The following UBXN2B variants were observed in gnomAD, a reference collection of about 807,000 sequenced individuals.
The protein encoded by UBXN2B is UBX domain-containing protein 2B.
Under a neutral mutation model 37.5 loss-of-function variants are expected in UBXN2B, and 19 were observed. The observed-to-expected ratio is 0.51, with a 90% CI of 0.35 to 0.74. The LOEUF is 0.74. Among genes scored for constraint, UBXN2B ranks in the 30% least tolerant of loss-of-function variants. The probability of loss-of-function intolerance (pLI) is 0.01; values close to 1 mark genes in which losing one functional copy is unlikely to be tolerated. For missense variants in UBXN2B, 370 were observed against 393.2 expected, an observed-to-expected ratio of 0.94 and a Z score of 0.50; for synonymous variants, 145 against 143.8, an observed-to-expected ratio of 1.01 and a Z score of -0.06.
intron 2 of UBXN2B, chr8:58,426,715 A>AC: frequency 1.5e-6 from 1 of 684,342 alleles, no homozygotes; most frequent in South Asian, 1.4e-5. Context: ...TCCGTGACAG[A>AC]CCCGTTCCTT....
Position 58,450,163 on chromosome 8 carries a change from A to AGTTTTAGTGGCTT in UBXN2B, c.*2613_*2625dup, listed in dbSNP as rs1272564129. 1 of 152,196 alleles carries AGTTTTAGTGGCTT rather than the reference A, an allele frequency of 6.6e-6. No individual in the cohort carries two copies. The highest frequency in any genetic ancestry group is 1.5e-5 in the Non-Finnish European group (1 of 68,022). The allele number at this position is 152,196 out of a possible 1,614,324, so 9.4% of individuals were successfully genotyped here. A position where few individuals can be genotyped will look rare whatever the true frequency, so the allele number is the denominator to read the frequency against. ...AAAGGCTGTCCTGACGGTGAATCTT[A>AGTTTTAGTGGCTT]GTTTTAGTGGCTTTTGCCATTTGAA... On this transcript the variant is annotated 3_prime_UTR_variant, in exon 8 of 8. Coordinates refer to ENST00000399598, the MANE Select transcript of UBXN2B (RefSeq NM_001077619.2).
chr8:58,441,349 A>ATATATATATATATATATATATGTATGTG (rs1563467214), intron 6 of UBXN2B, among the ~76,000 whole-genome samples: 1 of 25,068 alleles, frequency 4.0e-5, no homozygotes, highest in African/African-American at 2.9e-4. Flanking sequence ...TGTGATCAAC[A>ATATATATATATATATATATATGTATGTG]TATATATATA....
chr8:58,422,411 C>A (rs1471441112), intron 2 of UBXN2B, among the ~76,000 whole-genome samples: 13 of 152,210 alleles, frequency 8.5e-5, no homozygotes, highest in Admixed American at 7.9e-4. Context: ...ACAATAACTT[C>A]ACAGCAAAGA....
intron 1 of UBXN2B, among the ~76,000 whole-genome samples, chr8:58,415,828 G>A (rs545873879): frequency 6.6e-6 from 1 of 152,004 alleles, no homozygotes; most frequent in South Asian, 2.1e-4. Flanking sequence ...AAATATGAAT[G>A]TTACTGAATG....
intron 2 of UBXN2B, among the ~76,000 whole-genome samples, chr8:58,418,855 A>G (rs1377858617): frequency 1.3e-5 from 2 of 152,208 alleles, no homozygotes; most frequent in East Asian, 1.9e-4. Flanking sequence ...CTTAATATGT[A>G]TCTCTGTACT....
intron 1 of UBXN2B, among the ~76,000 whole-genome samples, chr8:58,414,234 G>C (rs1441412661): frequency 6.6e-6 from 1 of 152,174 alleles, no homozygotes; most frequent in African/African-American, 2.4e-5. Flanking sequence ...GACCTGGAAG[G>C]CTTGTCAGAG....
intron 2 of UBXN2B, among the ~76,000 whole-genome samples, chr8:58,427,792 G>T (rs1808142490): frequency 6.6e-6 from 1 of 152,210 alleles, no homozygotes; most frequent in Admixed American, 6.5e-5. Flanking sequence ...AGAGTCATCT[G>T]TATAGGAAGA....
intron 6 of UBXN2B, among the ~76,000 whole-genome samples, chr8:58,441,783 C>T (rs1385951058): frequency 6.6e-6 from 1 of 152,104 alleles, no homozygotes; most frequent in East Asian, 1.9e-4. Flanking sequence ...AAGAAAGTGA[C>T]AGAGATCAGT....
intron 2 of UBXN2B, chr8:58,424,883 C>T: frequency 9.3e-7 from 1 of 1,074,670 alleles, no homozygotes; most frequent in South Asian, 1.2e-5. Context: ...TGAGACTGCA[C>T]CATCTGGATA....
At chr8:58,421,203 A>G (rs1807915282) in intron 2 of UBXN2B, among the ~76,000 whole-genome samples, 1 of 152,182 alleles carries the variant, frequency 6.6e-6, no homozygotes, top group Admixed American at 6.5e-5. Flanking sequence ...GGGCTCTTTA[A>G]AGAATGCACA....
chr8:58,431,174 A>AATCT (rs746543587), intron 3 of UBXN2B, among the ~76,000 whole-genome samples: 1 of 152,086 alleles, frequency 6.6e-6, no homozygotes, highest in Non-Finnish European at 1.5e-5. Flanking sequence ...TCATCTCTAT[A>AATCT]ATTTTATCAT....
At chr8:58,447,347 T>C in intron 7 of UBXN2B, 42 bp from the exon 8 acceptor site, 1 of 1,490,778 alleles carries the variant, frequency 6.7e-7, no homozygotes, top group Non-Finnish European at 9.0e-7. Context: ...CATGAAAATA[T>C]GATTTTTTAT....
intron 5 of UBXN2B, among the ~76,000 whole-genome samples, chr8:58,438,488 G>A (rs1291354766): frequency 2.0e-5 from 3 of 152,218 alleles, no homozygotes; most frequent in South Asian, 2.1e-4. Flanking sequence ...TATATGGGAC[G>A]TGGCATCAAG....
intron 3 of UBXN2B, among the ~76,000 whole-genome samples, chr8:58,430,953 G>T (rs1184169234): frequency 6.6e-6 from 1 of 152,088 alleles, no homozygotes; most frequent in African/African-American, 2.4e-5. Context: ...TCACTTCAAT[G>T]GTTTCCCCCA....
At chr8:58,423,438 G>T (rs1165769687) in intron 2 of UBXN2B, among the ~76,000 whole-genome samples, 3 of 147,826 alleles carry the variant, frequency 2.0e-5, no homozygotes, top group East Asian at 2.0e-4. Flanking sequence ...TTTTTTTGTT[G>T]TTGTTTTTTT....
Position 58,447,392 on chromosome 8 carries a change from C to A in UBXN2B, c.837C>A (p.Ile279=), listed in dbSNP as rs753725039. 1.9e-6 allele frequency: 3 copies of A among 1,586,468 alleles called. No homozygotes were observed. Among genetic ancestry groups the A allele is most frequent in the Non-Finnish European group, 8.6e-7 (1 of 1,166,000 alleles). ...LIQRFNSTHR[I]LDVRNFIVQS... Reference sequence around the variant, plus strand: ...TATTTTTGTCTTATTTCTTCAGGATCCTGGATGTCCGGAACTTTATTGTAC... The same window carrying A: ...TATTTTTGTCTTATTTCTTCAGGATACTGGATGTCCGGAACTTTATTGTAC... The change falls in exon 8 of 8, where the codon ATC becomes ATA. Residue 279 remains isoleucine (I), a synonymous_variant. Transcript: ENST00000399598.
At position 58,441,183 on chromosome 8, in the gene UBXN2B, C is replaced by T. The variant is rs191831981; in HGVS notation, c.671+1413C>T. ...TTCATTTTTAGGTTTTGTAGAGACA[C>T]GTGTCTTACTATGTTGCCCAGGCTG... On this transcript the variant is annotated intron_variant, in intron 6 of 7. Transcript: ENST00000399598. Among the ~76,000 whole-genome samples, 23 of 151,386 alleles carry T rather than the reference C, an allele frequency of 1.5e-4. No homozygotes were observed. In the South Asian group the frequency reaches 4.2e-3, roughly 28 times the overall value.
intron 2 of UBXN2B, among the ~76,000 whole-genome samples, chr8:58,418,241 CAAAAAAA>C (rs56073006): frequency 2.0e-3 from 219 of 109,128 alleles, no homozygotes; most frequent in African/African-American, 7.3e-3. Context: ...ACTCTGTCTC[CAAAAAAA>C]AAAAAAAAAA....
intron 5 of UBXN2B, among the ~76,000 whole-genome samples, chr8:58,437,954 C>CA (rs1396269281): frequency 6.6e-6 from 1 of 151,254 alleles, no homozygotes; most frequent in Non-Finnish European, 1.5e-5. Context: ...AAGGCAGCCC[C>CA]CCCCCCAACC....
Sources: gnomAD v4.1 joint callset for allele counts (sites outside exome capture counted in the v4.1 genomes callset) on GRCh38, gnomAD v4.1.1 for gene constraint, MANE v1.5 for transcripts, NCBI Gene and HGNC (gene_info 2026-07-23, HGNC 2026-07-21) for gene names.